ARHGAP6: variants seen among roughly 807,000 people sequenced by gnomAD.
ARHGAP6 encodes Rho GTPase activating protein 6, also known as rho GTPase-activating protein 6.
In ARHGAP6, 16 loss-of-function variants were observed where a neutral mutation model predicts 55.7. That is an observed-to-expected ratio of 0.29 (90% CI 0.19 to 0.44). The LOEUF (loss-of-function observed/expected upper bound fraction) is 0.44. Ranked by LOEUF, ARHGAP6 falls within the 20% of genes least tolerant of loss-of-function variation. The pLI, the probability that ARHGAP6 is intolerant of heterozygous loss-of-function variation, is 1.00. For missense variants in ARHGAP6, 698 were observed against 808.9 expected (o/e 0.86, Z 1.66); for synonymous variants, 382 against 360.9 (o/e 1.06, Z -0.66).
chrX:11,659,961 T>C (rs1467371664), intron 1 of ARHGAP6, among the ~76,000 whole-genome samples: 1 of 112,146 alleles, frequency 8.9e-6, no homozygotes, highest in Non-Finnish European at 1.9e-5. Context: ...CCACTTCCAG[T>C]TGTGTCTTCA....
At chrX:11,188,632 A>G in intron 4 of ARHGAP6, 96 bp downstream of exon 4, 1 of 1,094,137 alleles carries the variant, frequency 9.1e-7, no homozygotes. Context: ...AACACCAACT[A>G]CATATCCAGT....
chrX:11,191,076 CA>C (rs1016334373), intron 3 of ARHGAP6, among the ~76,000 whole-genome samples: 3 of 112,463 alleles, frequency 2.7e-5, no homozygotes, highest in African/African-American at 6.5e-5. Flanking sequence ...CTCAAGAGCT[CA>C]AAAAAATTAT....
intron 1 of ARHGAP6, among the ~76,000 whole-genome samples, chrX:11,399,907 T>C (rs976876305): frequency 1.3e-4 from 15 of 112,034 alleles, no homozygotes; most frequent in Non-Finnish European, 2.4e-4. Context: ...CAAAATGAAA[T>C]CCTGATACAT....
chrX:11,367,333 A>T (rs16986441), intron 1 of ARHGAP6, among the ~76,000 whole-genome samples: 6,565 of 111,496 alleles, frequency 0.059, 204 homozygotes, highest in African/African-American at 0.12. Context: ...GATGACTGAG[A>T]GTGTAGAAGT....
chrX:11,296,630 T>C (rs1488176919), intron 1 of ARHGAP6: 2 of 631,732 alleles, frequency 3.2e-6, no homozygotes, highest in Non-Finnish European at 5.0e-6. Flanking sequence ...CTCAAGTATA[T>C]TCTGCACTAT....
At position 11,138,100 on chromosome X, in the gene ARHGAP6, ACTT is replaced by A. The variant is rs916191724; in HGVS notation, c.*760_*762del. ...AATTTGATGTAACGTGGGACGGACA[ACTT>A]CTTAATTTCTTTGTGAGGCACTGCC... On this transcript the variant is annotated 3_prime_UTR_variant, in exon 13 of 13. Coordinates refer to ENST00000337414, the MANE Select transcript of ARHGAP6 (RefSeq NM_013427.3). The A allele has an allele frequency of 5.3e-5, 6 of 112,312 alleles. No individual in the cohort carries two copies. The highest frequency in any genetic ancestry group is 1.9e-4 in the African/African-American group (6 of 30,896). 9.3% of individuals were successfully genotyped at this position (112,312 alleles called of 1,213,427 possible). A position where few individuals can be genotyped will look rare whatever the true frequency, so the allele number is the denominator to read the frequency against.
At chrX:11,469,713 C>A (rs1036151148) in intron 1 of ARHGAP6, among the ~76,000 whole-genome samples, 1 of 111,638 alleles carries the variant, frequency 9.0e-6, no homozygotes, top group African/African-American at 3.3e-5. Context: ...TAATTGCACA[C>A]AATGCCTACA....
chrX:11,654,228 T>C (rs2052615131), intron 1 of ARHGAP6, among the ~76,000 whole-genome samples: 2 of 111,749 alleles, frequency 1.8e-5, no homozygotes, highest in South Asian at 3.8e-4. Flanking sequence ...GCTTGCCCAA[T>C]TGTTTTTCAA....
rs747439757 is a variant in ARHGAP6 at position 11,395,467 on chromosome X, G to A, written c.589-140760C>T. Among the ~76,000 whole-genome samples, 6 of 112,158 alleles carry A rather than the reference G, an allele frequency of 5.3e-5. No individual in the cohort carries two copies. The South Asian group carries it at 1.1e-3, about 21-fold the overall frequency. On this transcript the variant is annotated intron_variant, in intron 1 of 12. Coordinates refer to ENST00000337414, the MANE Select transcript of ARHGAP6 (RefSeq NM_013427.3). ...TCTCTGGAGGAAAGCTCTGATTTGC[G>A]CCATTTGTTAATTTCCATAATATAA...
chrX:11,231,230 T>C (rs774472474), intron 2 of ARHGAP6, among the ~76,000 whole-genome samples: 1 of 112,372 alleles, frequency 8.9e-6, no homozygotes, highest in East Asian at 2.8e-4. Context: ...AATTCTAGAC[T>C]GAAGCACGTA....
intron 1 of ARHGAP6, among the ~76,000 whole-genome samples, chrX:11,460,771 TC>T (rs1261774866): frequency 8.9e-6 from 1 of 111,895 alleles, no homozygotes; most frequent in Non-Finnish European, 1.9e-5. Context: ...TGGGTTCAAA[TC>T]CCAGTTCTAC....
At chrX:11,626,037 A>G (rs369180657) in intron 1 of ARHGAP6, among the ~76,000 whole-genome samples, 15 of 112,232 alleles carry the variant, frequency 1.3e-4, no homozygotes, top group Middle Eastern at 4.6e-3. Context: ...ATGTAATAAA[A>G]TATATGTAAA....
chrX:11,170,000 C>T (rs1193750071), intron 8 of ARHGAP6, among the ~76,000 whole-genome samples: 1 of 111,484 alleles, frequency 9.0e-6, no homozygotes, highest in African/African-American at 3.3e-5. Flanking sequence ...ACCCATCCAT[C>T]CATCTATCCA....
Position 11,188,718 on chromosome X carries a change from G to T in ARHGAP6, c.1077+10C>A, listed in dbSNP as rs2046417322. The stretch of plus-strand genomic sequence containing the variant: ...AGCACTGGTGTCAGAGCAAATACTG[G>T]CCACCTCACCCTCCTCCTAGCCCGA... On this transcript the variant is annotated intron_variant, in intron 4 of 12. Coordinates refer to ENST00000337414, the MANE Select transcript of ARHGAP6 (RefSeq NM_013427.3). 1 of 1,205,825 alleles carries T rather than the reference G, an allele frequency of 8.3e-7. No homozygotes were observed. Among genetic ancestry groups the T allele is most frequent in the South Asian group, 1.8e-5 (1 of 55,705 alleles).
intron 1 of ARHGAP6, among the ~76,000 whole-genome samples, chrX:11,542,842 C>T (rs1195280753): frequency 9.0e-6 from 1 of 111,541 alleles, no homozygotes; most frequent in Non-Finnish European, 1.9e-5. Flanking sequence ...TTCTTTGAGG[C>T]TAGGAGTCTG....
Position 11,427,815 on chromosome X carries a change from AGAGGAGGAGGAGGAGGAGGAGGAGGAG to A in ARHGAP6, c.589-173135_589-173109del, listed in dbSNP as rs775959764. Reference sequence around the variant, plus strand: ...GCAGCGGCGCGAAGGGGGAGGGGGAAGAGGAGGAGGAGGAGGAGGAGGAGGAGGAGGAGGAGGAGGAGGAGGAGGGAG... The same window carrying A: ...GCAGCGGCGCGAAGGGGGAGGGGGAAGAGGAGGAGGAGGAGGAGGAGGGAG... On this transcript the variant is annotated intron_variant, in intron 1 of 12. Coordinates refer to ENST00000337414, the MANE Select transcript of ARHGAP6 (RefSeq NM_013427.3). 1.2e-4 allele frequency: 24 copies of A among 193,275 alleles called. No homozygotes were observed. The Admixed American group carries it at 2.5e-3, about 20-fold the overall frequency. 15.9% of individuals were successfully genotyped at this position (193,275 alleles called of 1,213,427 possible).
intron 1 of ARHGAP6, among the ~76,000 whole-genome samples, chrX:11,404,155 G>C (rs1338032049): frequency 1.8e-5 from 2 of 111,575 alleles, no homozygotes; most frequent in Non-Finnish European, 3.8e-5. Flanking sequence ...AGGCAAAGCC[G>C]TCTTCCTCAT....
intron 1 of ARHGAP6, among the ~76,000 whole-genome samples, chrX:11,396,768 T>G (rs981899497): frequency 2.8e-5 from 2 of 72,325 alleles, no homozygotes. Context: ...AGCTCAGACT[T>G]TTTTTTAAAA....
chrX:11,615,646 T>C (rs1052928154), intron 1 of ARHGAP6, among the ~76,000 whole-genome samples: 1 of 112,270 alleles, frequency 8.9e-6, no homozygotes, highest in Non-Finnish European at 1.9e-5. Flanking sequence ...TGTAGTCCAA[T>C]CATTATAAAT....
Sources: gnomAD v4.1 joint callset for allele counts (sites outside exome capture counted in the v4.1 genomes callset) on GRCh38, gnomAD v4.1.1 for gene constraint, MANE v1.5 for transcripts, NCBI Gene and HGNC (gene_info 2026-07-23, HGNC 2026-07-21) for gene names.